Variants in AQR observed in about 807,000 individuals in gnomAD.
AQR encodes the protein RNA helicase aquarius.
A neutral mutation model predicts 180.5 loss-of-function variants in AQR; 61 were observed. The observed-to-expected ratio is 0.34, with a 90% confidence interval of 0.28 to 0.42. AQR has a LOEUF of 0.42. Ranked by LOEUF, AQR falls within the 10% of genes least tolerant of loss-of-function variation. The probability of loss-of-function intolerance (pLI) is 1.00; values close to 1 mark genes in which losing one functional copy is unlikely to be tolerated. For synonymous variants in AQR, 551 were observed against 588.8 expected (o/e 0.94, Z 0.93); for missense variants, 1,281 against 1,798.3 (o/e 0.71, Z 5.20).
intron 6 of AQR, chr15:34,942,956 C>T: frequency 9.3e-7 from 1 of 1,073,072 alleles, no homozygotes; most frequent in Non-Finnish European, 1.3e-6. Flanking sequence ...ATTACTAATA[C>T]TAATAAAATC....
In AQR at chr15:34,893,607, GCACACACACA is replaced by G. The variant is rs386382691; in HGVS notation, c.2571+46_2571+55del. The G allele has an allele frequency of 3.7e-3, 3,710 of 998,982 alleles. 18 individuals are homozygous for G. The highest frequency in any genetic ancestry group is 9.4e-3 in the African/African-American group (592 of 63,034). 61.9% of individuals were successfully genotyped at this position (998,982 alleles called of 1,614,324 possible). A position where few individuals can be genotyped will look rare whatever the true frequency, so the allele number is the denominator to read the frequency against. On this transcript the variant is annotated intron_variant, in intron 23 of 34. Transcript: ENST00000156471. ...CATACCCATGTGCATGCGCATGCGT[GCACACACACA>G]CACACACACACACACACACACACAC...
intron 30 of AQR, among the ~76,000 whole-genome samples, chr15:34,873,200 T>A (rs1892845320): frequency 6.6e-6 from 1 of 152,120 alleles, no homozygotes; most frequent in African/African-American, 2.4e-5. Context: ...AGCATACAAG[T>A]CTTTCCAAAC....
At chr15:34,903,615 A>G (rs1167802049) in intron 19 of AQR, among the ~76,000 whole-genome samples, 1 of 152,152 alleles carries the variant, frequency 6.6e-6, no homozygotes, top group African/African-American at 2.4e-5. Flanking sequence ...AGATTTTCTT[A>G]AAAAATCACA....
intron 5 of AQR, among the ~76,000 whole-genome samples, chr15:34,945,377 G>T (rs1050693083): frequency 6.6e-6 from 1 of 152,106 alleles, no homozygotes; most frequent in African/African-American, 2.4e-5. Context: ...AGCCTGGAAG[G>T]TTATTGAAAA....
intron 3 of AQR, among the ~76,000 whole-genome samples, chr15:34,957,135 G>A (rs1031700118): frequency 9.5e-5 from 14 of 147,462 alleles, no homozygotes; most frequent in African/African-American, 3.4e-4. Flanking sequence ...TCAGGACCTA[G>A]CCTAAAAAAC....
At chr15:34,864,294 A>T (rs1478127053) in intron 32 of AQR, among the ~76,000 whole-genome samples, 1 of 152,118 alleles carries the variant, frequency 6.6e-6, no homozygotes. Context: ...GAAGGGACAG[A>T]GCAGGGATAG....
chr15:34,873,806 T>G (rs201986214), intron 30 of AQR, 22 bp downstream of exon 30: 1 of 1,536,132 alleles, frequency 6.5e-7, no homozygotes, highest in Non-Finnish European at 8.8e-7. Context: ...AATAAACTTA[T>G]AAGCTTCCTA....
intron 15 of AQR, among the ~76,000 whole-genome samples, chr15:34,915,621 A>C (rs1331271127): frequency 6.6e-6 from 1 of 152,198 alleles, no homozygotes; most frequent in Non-Finnish European, 1.5e-5. Context: ...CACAGATGTT[A>C]AAACCAGATT....
intron 10 of AQR, among the ~76,000 whole-genome samples, chr15:34,933,657 T>C (rs915473719): frequency 2.0e-5 from 3 of 152,220 alleles, no homozygotes; most frequent in African/African-American, 2.4e-5. Flanking sequence ...GCTGGACTCA[T>C]GTTTAATAAC....
Position 34,892,735 on chromosome 15 carries a change from C to T in AQR, c.2571+928G>A, listed in dbSNP as rs532143344. Reference sequence around the variant, plus strand: ...TAGCCTAGCCTATGTAAAACATGCTCAGAACACATATATTAGCTTATACCT... The same window carrying T: ...TAGCCTAGCCTATGTAAAACATGCTTAGAACACATATATTAGCTTATACCT... On this transcript the variant is annotated intron_variant, in intron 23 of 34. Coordinates refer to ENST00000156471, the MANE Select transcript of AQR (RefSeq NM_014691.3). Among the ~76,000 whole-genome samples, 3 of 152,294 alleles carry T rather than the reference C, an allele frequency of 2.0e-5. No homozygotes were observed. In the South Asian group the frequency reaches 6.2e-4, roughly 32 times the overall value.
At chr15:34,955,376 C>A (rs1352624214) in intron 3 of AQR, among the ~76,000 whole-genome samples, 1 of 152,048 alleles carries the variant, frequency 6.6e-6, no homozygotes, top group Non-Finnish European at 1.5e-5. Flanking sequence ...GAAGGGGCCA[C>A]ACAAATGAGA....
chr15:34,922,892 T>TTA, intron 13 of AQR, among the ~76,000 whole-genome samples: 2 of 152,284 alleles, frequency 1.3e-5, no homozygotes, highest in Middle Eastern at 6.8e-3. Flanking sequence ...TGACTAAACA[T>TTA]GTTAAGCATC....
At position 34,877,444 on chromosome 15, in the gene AQR, T is replaced by C. The variant is rs984927708; in HGVS notation, c.3166-1438A>G. 5.4e-4 allele frequency among the ~76,000 whole-genome samples: 83 copies of C among 152,332 alleles called. 1 individual carries two copies. The highest frequency in any genetic ancestry group is 1.7e-3 in the African/African-American group (71 of 41,574). The stretch of plus-strand genomic sequence containing the variant: ...GTTATGGTTCAATCCTGGACTGTTA[T>C]TGAAACTACTTGAAGGTGTAGGCAT... On this transcript the variant is annotated intron_variant, in intron 27 of 34. Coordinates refer to ENST00000156471, the MANE Select transcript of AQR (RefSeq NM_014691.3).
At chr15:34,942,802 T>C (rs768064642) in intron 6 of AQR, among the ~76,000 whole-genome samples, 27 of 152,240 alleles carry the variant, frequency 1.8e-4, no homozygotes, top group Non-Finnish European at 3.1e-4. Context: ...CAAGGAGTAA[T>C]GGTTCAGCAT....
intron 15 of AQR, among the ~76,000 whole-genome samples, chr15:34,916,333 T>G (rs974938090): frequency 6.6e-6 from 1 of 152,028 alleles, no homozygotes; most frequent in Non-Finnish European, 1.5e-5. Flanking sequence ...TAACACTATT[T>G]CTCTTAGACA....
At chr15:34,924,216 C>G (rs1264693144) in intron 13 of AQR, among the ~76,000 whole-genome samples, 1 of 152,108 alleles carries the variant, frequency 6.6e-6, no homozygotes, top group Non-Finnish European at 1.5e-5. Context: ...ATACACTTCC[C>G]TCTGTGTAAG....
In AQR at chr15:34,853,546, A is replaced by T. The variant is rs944366450; in HGVS notation, c.*3246T>A. 1 of 152,142 alleles carries T rather than the reference A, an allele frequency of 6.6e-6. No individual in the cohort carries two copies. The highest frequency in any genetic ancestry group is 2.4e-5 in the African/African-American group (1 of 41,424). 9.4% of individuals were successfully genotyped at this position (152,142 alleles called of 1,614,324 possible). ...TCAGAGGTCCCAAATCAGTAACCTGATCCTAGATAGATCCTCAAAGGTCAA... is the reference window on the plus strand; with the variant it reads ...TCAGAGGTCCCAAATCAGTAACCTGTTCCTAGATAGATCCTCAAAGGTCAA... On this transcript the variant is annotated 3_prime_UTR_variant, in exon 35 of 35. Coordinates refer to ENST00000156471, the MANE Select transcript of AQR (RefSeq NM_014691.3).
chr15:34,964,440 G>A (rs1409700679), intron 1 of AQR, 150 bp from the exon 2 acceptor site: 1 of 722,110 alleles, frequency 1.4e-6, no homozygotes, highest in Non-Finnish European at 2.5e-6. Flanking sequence ...CAGGCATGCA[G>A]GCCAGTTGGC....
intron 14 of AQR, among the ~76,000 whole-genome samples, chr15:34,919,272 A>G (rs1373622352): frequency 6.6e-6 from 1 of 151,828 alleles, no homozygotes; most frequent in African/African-American, 2.4e-5. Context: ...AAAGAAAAAT[A>G]AGTGTTTATC....
Sources: allele counts gnomAD v4.1 joint callset (sites outside exome capture counted in the v4.1 genomes callset), GRCh38; gene constraint gnomAD v4.1.1; transcripts MANE v1.5; gene names NCBI Gene and HGNC (gene_info 2026-07-23, HGNC 2026-07-21).